The following TMEM132D variants were observed in gnomAD, a reference collection of about 807,000 sequenced individuals.
TMEM132D encodes transmembrane protein 132D.
In TMEM132D, 21 loss-of-function variants were observed where a neutral mutation model predicts 62.3. The ratio of observed to expected loss-of-function variants is 0.34; its 90% confidence interval spans 0.24 to 0.49. The LOEUF (loss-of-function observed/expected upper bound fraction) is 0.49. TMEM132D is among the 20% of genes least tolerant of loss of function. TMEM132D has a pLI of 0.99. For synonymous variants in TMEM132D, 621 were observed against 575.6 expected, an observed-to-expected ratio of 1.08 and a Z score of -1.13; for missense variants, 1,346 against 1,402.8, an observed-to-expected ratio of 0.96 and a Z score of 0.65.
At chr12:129,323,207 T>G (rs1318244725) in intron 4 of TMEM132D, among the ~76,000 whole-genome samples, 1 of 152,188 alleles carries the variant, frequency 6.6e-6, no homozygotes, top group Admixed American at 6.5e-5. Context: ...CATTAAAATG[T>G]CCCTTCTTCC....
chr12:129,513,848 A>ATTTT (rs563785171), intron 3 of TMEM132D, among the ~76,000 whole-genome samples: 71 of 112,778 alleles, frequency 6.3e-4, no homozygotes, highest in African/African-American at 1.2e-3. Flanking sequence ...TTATTTATTT[A>ATTTT]TTTTTTTGAG....
chr12:129,339,332 G>T (rs1439003066), intron 3 of TMEM132D, among the ~76,000 whole-genome samples: 1 of 125,642 alleles, frequency 8.0e-6, no homozygotes, highest in Non-Finnish European at 1.8e-5. Context: ...AAAAGAAAGA[G>T]GAGGGGAAGG....
At chr12:129,784,620 G>A (rs571025326) in intron 1 of TMEM132D, among the ~76,000 whole-genome samples, 1 of 151,962 alleles carries the variant, frequency 6.6e-6, no homozygotes, top group South Asian at 2.1e-4. Context: ...TCTTTGTTTT[G>A]TCTCTCCCCT....
At chr12:129,126,351 T>C (rs1206566643) in intron 5 of TMEM132D, among the ~76,000 whole-genome samples, 1 of 138,434 alleles carries the variant, frequency 7.2e-6, no homozygotes, top group Non-Finnish European at 1.6e-5. Context: ...TGCCTCAGTT[T>C]CTCTCTCTTT....
intron 1 of TMEM132D, among the ~76,000 whole-genome samples, chr12:129,815,102 C>T (rs1243069883): frequency 2.0e-5 from 3 of 152,066 alleles, no homozygotes; most frequent in Non-Finnish European, 4.4e-5. Context: ...GAATATTTGT[C>T]GTAACAATAT....
intron 3 of TMEM132D, among the ~76,000 whole-genome samples, chr12:129,459,992 T>C (rs1350060603): frequency 6.6e-6 from 1 of 152,236 alleles, no homozygotes; most frequent in Non-Finnish European, 1.5e-5. Flanking sequence ...TTTTGATACA[T>C]CCTTCCTGGA....
At chr12:129,263,433 CAA>C (rs1187980231) in intron 4 of TMEM132D, among the ~76,000 whole-genome samples, 1 of 152,070 alleles carries the variant, frequency 6.6e-6, no homozygotes, top group African/African-American at 2.4e-5. Flanking sequence ...ATAAAGAAGG[CAA>C]AGAGTTTGCC....
intron 1 of TMEM132D, among the ~76,000 whole-genome samples, chr12:129,801,899 C>T (rs1463089476): frequency 6.6e-6 from 1 of 151,550 alleles, no homozygotes; most frequent in Non-Finnish European, 1.5e-5. Flanking sequence ...ATGAAGAAGC[C>T]TCAGGAGCCG....
chr12:129,385,750 G>A (rs1219603541), intron 3 of TMEM132D, among the ~76,000 whole-genome samples: 3 of 152,160 alleles, frequency 2.0e-5, no homozygotes, highest in Non-Finnish European at 4.4e-5. Context: ...TGCTCAGAAG[G>A]CAAACAATAT....
chr12:129,215,335 G>A (rs1879172488), intron 4 of TMEM132D, among the ~76,000 whole-genome samples: 1 of 152,182 alleles, frequency 6.6e-6, no homozygotes, highest in African/African-American at 2.4e-5. Flanking sequence ...TGTGAGGGTG[G>A]AGGTTGGGAG....
chr12:129,845,345 A>G (rs562064495), intron 1 of TMEM132D, among the ~76,000 whole-genome samples: 1 of 152,260 alleles, frequency 6.6e-6, no homozygotes, highest in African/African-American at 2.4e-5. Context: ...TAAAACCTGA[A>G]TGTCTTTCTT....
intron 4 of TMEM132D, among the ~76,000 whole-genome samples, chr12:129,315,816 C>T (rs983537997): frequency 5.3e-5 from 8 of 151,996 alleles, no homozygotes; most frequent in African/African-American, 1.4e-4. Flanking sequence ...TTCAGTCTTG[C>T]TGCTTGTTAT....
intron 5 of TMEM132D, among the ~76,000 whole-genome samples, chr12:129,092,515 T>G (rs1322181111): frequency 6.6e-6 from 1 of 152,064 alleles, no homozygotes; most frequent in Non-Finnish European, 1.5e-5. Flanking sequence ...GCCAACATGG[T>G]GAAACCTGTC....
chr12:129,279,127 AAG>A (rs1443390261), intron 4 of TMEM132D, among the ~76,000 whole-genome samples: 1 of 152,240 alleles, frequency 6.6e-6, no homozygotes, highest in Non-Finnish European at 1.5e-5. Flanking sequence ...AACACACAAA[AAG>A]AACCTGTGCA....
chr12:129,321,446 C>A (rs1012516691), intron 4 of TMEM132D, among the ~76,000 whole-genome samples: 4 of 152,210 alleles, frequency 2.6e-5, no homozygotes, highest in African/African-American at 9.6e-5. Context: ...ATTCAGAAAG[C>A]TTCTAATATT....
intron 3 of TMEM132D, among the ~76,000 whole-genome samples, chr12:129,447,401 C>G (rs544390727): frequency 4.5e-4 from 68 of 152,116 alleles, no homozygotes; most frequent in Non-Finnish European, 8.2e-4. Flanking sequence ...AAACTGGTAT[C>G]GTTTGCAATA....
chr12:129,282,512 A>G (rs115486445), intron 4 of TMEM132D, among the ~76,000 whole-genome samples: 29 of 152,260 alleles, frequency 1.9e-4, no homozygotes, highest in African/African-American at 6.5e-4. Flanking sequence ...CGGGCTGACT[A>G]AAAACCGAAG....
intron 1 of TMEM132D, among the ~76,000 whole-genome samples, chr12:129,785,033 G>A (rs774089973): frequency 1.1e-4 from 17 of 152,110 alleles, no homozygotes; most frequent in Admixed American, 2.0e-4. Context: ...GTTTATTTTC[G>A]TTGCCATCGA....
intron 4 of TMEM132D, among the ~76,000 whole-genome samples, chr12:129,268,370 C>T (rs527347840): frequency 3.3e-4 from 50 of 152,176 alleles, no homozygotes; most frequent in African/African-American, 8.9e-4. Flanking sequence ...AAAAAATGGG[C>T]GAAGGACATG....
Sources: allele counts gnomAD v4.1 joint callset (sites outside exome capture counted in the v4.1 genomes callset), GRCh38; gene constraint gnomAD v4.1.1; transcripts MANE v1.5; gene names NCBI Gene and HGNC (gene_info 2026-07-23, HGNC 2026-07-21).